PADI2: variants seen among roughly 807,000 people sequenced by gnomAD.
The protein encoded by PADI2 is peptidyl arginine deiminase 2.
Under a neutral mutation model 81.1 loss-of-function variants are expected in PADI2, and 70 were observed. That is an observed-to-expected ratio of 0.86 (90% confidence interval 0.71 to 1.05). PADI2 has a LOEUF of 1.05. Ranked by LOEUF, PADI2 falls within the 50% of genes least tolerant of loss-of-function variation. The pLI is 0.00. For synonymous variants in PADI2, 338 were observed against 358.0 expected (o/e 0.94, Z 0.63); for missense variants, 853 against 889.9 (o/e 0.96, Z 0.53).
At chr1:17,111,244 C>T (rs181108668) in intron 1 of PADI2, among the ~76,000 whole-genome samples, 100 of 151,970 alleles carry the variant, frequency 6.6e-4, no homozygotes, top group African/African-American at 2.0e-3. Flanking sequence ...CCCACCACCA[C>T]GCCTGGCTAT....
chr1:17,112,926 G>A (rs1386159153), intron 1 of PADI2, among the ~76,000 whole-genome samples: 2 of 152,178 alleles, frequency 1.3e-5, no homozygotes, highest in East Asian at 3.8e-4. Context: ...CTGAAGCTGT[G>A]CCCTTTCTGT....
intron 5 of PADI2, among the ~76,000 whole-genome samples, chr1:17,092,980 G>GA (rs978030471): frequency 6.7e-6 from 1 of 149,888 alleles, no homozygotes; most frequent in African/African-American, 2.5e-5. Flanking sequence ...AAAAGAAAAA[G>GA]AAAAAAGCAA....
intron 1 of PADI2, among the ~76,000 whole-genome samples, chr1:17,108,051 C>T (rs2295046): frequency 3.3e-5 from 5 of 151,186 alleles, no homozygotes; most frequent in African/African-American, 4.9e-5. Context: ...TTGGTTCAAG[C>T]GATTCTCCTG....
rs1479320418 is a variant in PADI2, at chr1:17,086,547, C to T, written c.808G>A (p.Val270Ile). The change falls in exon 7 of 16, where the codon GTC (valine) becomes ATC (isoleucine). Residue 270 changes from valine (V) to isoleucine (I), a missense_variant. By Grantham distance (29) the Val-to-Ile change is conservative (BLOSUM62 3). Coordinates refer to ENST00000375486, the MANE Select transcript of PADI2 (RefSeq NM_007365.3). The part of the protein sequence containing the change: ...EGFSGLVSIH[V>I]SLLEYMAQDI... ...TGGGCCATGTACTCCAGCAGGCTGA[C>T]ATGGATGGAGACCAGGCCTGAGAAG... 3.1e-6 allele frequency: 5 copies of T among 1,613,646 alleles called. No homozygotes were observed. Among genetic ancestry groups the T allele is most frequent in the African/African-American group, 1.3e-5 (1 of 74,926 alleles).
intron 6 of PADI2, among the ~76,000 whole-genome samples, chr1:17,089,866 C>T (rs914627702): frequency 1.3e-5 from 2 of 152,154 alleles, no homozygotes; most frequent in Admixed American, 6.5e-5. Context: ...TTGGCTGGCA[C>T]GTGGTTTGCC....
At chr1:17,071,051 G>T (rs544292102) in intron 14 of PADI2, among the ~76,000 whole-genome samples, 1 of 152,040 alleles carries the variant, frequency 6.6e-6, no homozygotes, top group African/African-American at 2.4e-5. Flanking sequence ...CAATCCTCCC[G>T]CCTTGGCTTC....
In PADI2 at chr1:17,070,215, C is replaced by T. The variant is rs761615078; in HGVS notation, c.1637G>A (p.Arg546His). Residue 546 changes from arginine to histidine, a missense_variant and splice_region_variant, in exon 15 of 16, where the codon CGC (arginine) becomes CAC (histidine). By Grantham distance (29) the Arg-to-His change is conservative (BLOSUM62 0). Coordinates refer to ENST00000375486, the MANE Select transcript of PADI2 (RefSeq NM_007365.3). ...SLVQENLYFQ[R>H]CLDWNRDILK... is the part of the protein sequence containing the mutation. ...GATGTCACGGTTCCAGTCTAGGCAGCGCTGGGTAGGAGAAAGGATGGAGGG... is the reference window on the plus strand; with the variant it reads ...GATGTCACGGTTCCAGTCTAGGCAGTGCTGGGTAGGAGAAAGGATGGAGGG... 6.2e-6 allele frequency: 10 copies of T among 1,613,524 alleles called. 1 individual carries two copies. The highest frequency in any genetic ancestry group is 4.5e-5 in the East Asian group (2 of 44,868).
At chr1:17,114,686 C>T (rs969648844) in intron 1 of PADI2, among the ~76,000 whole-genome samples, 1 of 146,312 alleles carries the variant, frequency 6.8e-6, no homozygotes, top group Non-Finnish European at 1.5e-5. Context: ...GTTCTCGGGA[C>T]TCAGGGTAGG....
intron 7 of PADI2, among the ~76,000 whole-genome samples, chr1:17,084,938 G>C (rs967251278): frequency 1.1e-4 from 17 of 152,328 alleles, no homozygotes; most frequent in Middle Eastern, 3.4e-3. Context: ...GAGTCACAGG[G>C]CTGTTAACCG....
At chr1:17,082,522 G>T in intron 10 of PADI2, 23 bp downstream of exon 10, 1 of 1,432,464 alleles carries the variant, frequency 7.0e-7, no homozygotes, top group Non-Finnish European at 9.9e-7. Flanking sequence ...TGCTCCACCC[G>T]CAAGTGGCCC....
At chr1:17,078,576 CAA>C (rs1200686404) in intron 11 of PADI2, among the ~76,000 whole-genome samples, 2 of 152,028 alleles carry the variant, frequency 1.3e-5, no homozygotes, top group Non-Finnish European at 2.9e-5. Flanking sequence ...TTAGTAAAGA[CAA>C]AGTTTTGCCA....
chr1:17,113,596 C>G (rs985542513), intron 1 of PADI2, among the ~76,000 whole-genome samples: 5 of 152,202 alleles, frequency 3.3e-5, no homozygotes, highest in Non-Finnish European at 5.9e-5. Context: ...GTAGGTGTGC[C>G]TGGTGTGGGG....
intron 5 of PADI2, among the ~76,000 whole-genome samples, 158 bp downstream of exon 5, chr1:17,093,409 T>A (rs1274581936): frequency 6.6e-6 from 1 of 152,184 alleles, no homozygotes; most frequent in African/African-American, 2.4e-5. Flanking sequence ...CTATTTCCTA[T>A]GGTTTTGCCT....
chr1:17,084,769 C>T, intron 7 of PADI2, 67 bp from the exon 8 acceptor site: 1 of 948,526 alleles, frequency 1.1e-6, no homozygotes, highest in Non-Finnish European at 1.6e-6. Flanking sequence ...GCCTGCCTTT[C>T]AAAGCGGGTG....
chr1:17,102,806 C>T (rs1434637705), intron 3 of PADI2, among the ~76,000 whole-genome samples, 181 bp downstream of exon 3: 1 of 152,068 alleles, frequency 6.6e-6, no homozygotes, highest in East Asian at 1.9e-4. Flanking sequence ...TAAGCCCCCA[C>T]CCCAGTATGG....
Position 17,104,995 on chromosome 1 carries a change from C to T in PADI2, c.159G>A (p.Val53=). 1 of 1,606,164 alleles carries T rather than the reference C, an allele frequency of 6.2e-7. No individual in the cohort carries two copies. The highest frequency in any genetic ancestry group is 8.5e-7 in the Non-Finnish European group (1 of 1,176,674). Residue 53 remains valine (V), a synonymous_variant, in exon 2 of 16, where the codon GTG becomes GTA. Transcript: ENST00000375486. ...KHSEHVWVEV[V]RDGEAEEVAT... ...CCACCTCCTCAGCCTCCCCATCACGCACCACCTCCACCCACACGTGTTCCG... is the reference window on the plus strand; with the variant it reads ...CCACCTCCTCAGCCTCCCCATCACGTACCACCTCCACCCACACGTGTTCCG...
rs377274464 is a variant in PADI2, at chr1:17,068,928, C to T, written c.*116G>A. 4.0e-5 allele frequency: 32 copies of T among 800,292 alleles called. No homozygotes were observed. Among genetic ancestry groups the T allele is most frequent in the Middle Eastern group, 6.3e-4 (2 of 3,176 alleles). 49.6% of individuals were successfully genotyped at this position (800,292 alleles called of 1,614,324 possible). ...CACAGATACCCCAAATTCCACCCCA[C>T]GTCCCAAAGGTCTCCCAGCGGGGCT... On this transcript the variant is annotated 3_prime_UTR_variant, in exon 16 of 16. Transcript: ENST00000375486.
At chr1:17,077,391 C>CTACTATT (rs2078311357) in intron 11 of PADI2, among the ~76,000 whole-genome samples, 2 of 152,326 alleles carry the variant, frequency 1.3e-5, no homozygotes, top group African/African-American at 4.8e-5. Context: ...TAGAATAGTG[C>CTACTATT]CTGGCACAGA....
chr1:17,097,200 T>C (rs1930968018), intron 3 of PADI2, among the ~76,000 whole-genome samples: 1 of 152,132 alleles, frequency 6.6e-6, no homozygotes, highest in Admixed American at 6.5e-5. Context: ...TGGTAATGAA[T>C]GCATTCCTGG....
Sources: allele counts gnomAD v4.1 joint callset (sites outside exome capture counted in the v4.1 genomes callset), GRCh38; gene constraint gnomAD v4.1.1; transcripts MANE v1.5; gene names NCBI Gene and HGNC (gene_info 2026-07-23, HGNC 2026-07-21).